Variants in ABHD17C observed in about 807,000 individuals in gnomAD.
ABHD17C encodes alpha/beta hydrolase domain-containing protein 17C.
A neutral mutation model predicts 27.9 loss-of-function variants in ABHD17C; 11 were observed. The ratio of observed to expected loss-of-function variants is 0.39; its 90% CI spans 0.25 to 0.65. The LOEUF is 0.65. ABHD17C is among the 30% of genes least tolerant of loss of function. The pLI is 0.45. For synonymous variants in ABHD17C, 233 were observed against 209.1 expected, an observed-to-expected ratio of 1.11 and a Z score of -0.98; for missense variants, 280 against 470.2, an observed-to-expected ratio of 0.60 and a Z score of 3.74.
intron 1 of ABHD17C, among the ~76,000 whole-genome samples, chr15:80,735,374 CTT>C (rs1895115652): frequency 6.6e-6 from 1 of 152,156 alleles, no homozygotes; most frequent in African/African-American, 2.4e-5. Context: ...ATAGAATTGT[CTT>C]TGAATCTCTC....
intron 1 of ABHD17C, among the ~76,000 whole-genome samples, chr15:80,729,442 G>T (rs1895026808): frequency 6.6e-6 from 1 of 152,026 alleles, no homozygotes; most frequent in Non-Finnish European, 1.5e-5. Flanking sequence ...TTGTAGAAAA[G>T]GGTGAAAAAC....
At chr15:80,720,524 G>A (rs2141502429) in intron 1 of ABHD17C, among the ~76,000 whole-genome samples, 1 of 152,270 alleles carries the variant, frequency 6.6e-6, no homozygotes, top group African/African-American at 2.4e-5. Context: ...GTTTCTTGAA[G>A]CTGGCCTGTT....
chr15:80,743,304 G>T (rs1028794791), intron 1 of ABHD17C, among the ~76,000 whole-genome samples: 1 of 152,092 alleles, frequency 6.6e-6, no homozygotes, highest in Admixed American at 6.5e-5. Flanking sequence ...AGTCTGTGGA[G>T]GAGTGCCCCC....
intron 1 of ABHD17C, among the ~76,000 whole-genome samples, chr15:80,708,264 G>A (rs1299179063): frequency 1.3e-5 from 2 of 151,824 alleles, no homozygotes; most frequent in Non-Finnish European, 2.9e-5. Flanking sequence ...ACACTAGCCC[G>A]TTCTCCCCAC....
intron 1 of ABHD17C, among the ~76,000 whole-genome samples, chr15:80,702,412 C>T (rs1894586033): frequency 6.6e-6 from 1 of 152,150 alleles, no homozygotes; most frequent in South Asian, 2.1e-4. Context: ...GCCCGGGCAA[C>T]ATAACAAGAA....
intron 1 of ABHD17C, among the ~76,000 whole-genome samples, chr15:80,733,503 A>G (rs553216400): frequency 6.6e-6 from 1 of 152,194 alleles, no homozygotes; most frequent in Non-Finnish European, 1.5e-5. Flanking sequence ...CTTATTGCCC[A>G]GACCTGGACA....
At chr15:80,701,626 C>T (rs1894573467) in intron 1 of ABHD17C, among the ~76,000 whole-genome samples, 1 of 151,092 alleles carries the variant, frequency 6.6e-6, no homozygotes, top group Non-Finnish European at 1.5e-5. Flanking sequence ...TTGCAGTGAG[C>T]CAAGATTATG....
At chr15:80,733,988 TTTATTTA>T (rs869181857) in intron 1 of ABHD17C, among the ~76,000 whole-genome samples, 8,797 of 151,104 alleles carry the variant, frequency 0.058, 321 homozygotes, top group African/African-American at 0.096. Flanking sequence ...TATTTATTTA[TTTATTTA>T]TTTTTTTAAA....
chr15:80,748,312 AAGG>A (rs1352926744), intron 1 of ABHD17C, among the ~76,000 whole-genome samples: 1 of 152,164 alleles, frequency 6.6e-6, no homozygotes, highest in Non-Finnish European at 1.5e-5. Flanking sequence ...TTATTCCGAA[AAGG>A]AGAATTGTTG....
chr15:80,734,023 C>G (rs1354751961), intron 1 of ABHD17C, among the ~76,000 whole-genome samples: 6 of 151,882 alleles, frequency 4.0e-5, no homozygotes, highest in Non-Finnish European at 8.8e-5. Flanking sequence ...CTGGCTCTGT[C>G]ACCCAGGCTG....
chr15:80,754,051 G>T, intron 2 of ABHD17C, 100 bp from the exon 3 acceptor site: 1 of 954,636 alleles, frequency 1.0e-6, no homozygotes, highest in African/African-American at 1.6e-5. Flanking sequence ...TTATTTCCCT[G>T]CCTGTGGAGA....
At chr15:80,722,886 G>A (rs763370139) in intron 1 of ABHD17C, among the ~76,000 whole-genome samples, 3 of 152,154 alleles carry the variant, frequency 2.0e-5, no homozygotes, top group Non-Finnish European at 2.9e-5. Context: ...GTTGTAATTG[G>A]CAGGATTTCC....
intron 1 of ABHD17C, among the ~76,000 whole-genome samples, chr15:80,726,825 C>G (rs575970974): frequency 1.3e-5 from 2 of 152,288 alleles, no homozygotes; most frequent in African/African-American, 4.8e-5. Flanking sequence ...ACACCCAACC[C>G]TTTTTCTTTT....
intron 1 of ABHD17C, among the ~76,000 whole-genome samples, chr15:80,719,092 C>T (rs1451497078): frequency 6.6e-6 from 1 of 152,088 alleles, no homozygotes; most frequent in Non-Finnish European, 1.5e-5. Flanking sequence ...AAATGAGTAG[C>T]ATTTTAATGA....
At chr15:80,746,938 C>T (rs1213150119) in intron 1 of ABHD17C, among the ~76,000 whole-genome samples, 4 of 152,134 alleles carry the variant, frequency 2.6e-5, no homozygotes, top group Non-Finnish European at 5.9e-5. Context: ...TCCTCTCAGA[C>T]CAGATTTTAT....
At chr15:80,712,540 C>G (rs1894741553) in intron 1 of ABHD17C, among the ~76,000 whole-genome samples, 1 of 152,206 alleles carries the variant, frequency 6.6e-6, no homozygotes, top group African/African-American at 2.4e-5. Flanking sequence ...AGCAGCCTCA[C>G]CTGTCTATGG....
rs1261827094 is a variant in ABHD17C, at chr15:80,754,410, A to G, written c.*40A>G. On this transcript the variant is annotated 3_prime_UTR_variant, in exon 3 of 3. Coordinates refer to ENST00000258884, the MANE Select transcript of ABHD17C (RefSeq NM_021214.2). ...TCTTACCTCATTTACTGTGAACAGA[A>G]GAGTCCTCTGTTTTGCACATGCTTT... 6.5e-7 allele frequency: 1 copy of G among 1,536,436 alleles called. No homozygotes were observed. The highest frequency in any genetic ancestry group is 8.9e-7 in the Non-Finnish European group (1 of 1,123,660).
intron 1 of ABHD17C, among the ~76,000 whole-genome samples, chr15:80,717,969 G>C (rs1435394175): frequency 6.6e-6 from 1 of 152,184 alleles, no homozygotes; most frequent in East Asian, 1.9e-4. Context: ...ATGGAATACA[G>C]AGGTCTGCCT....
At chr15:80,749,316 A>G (rs201337098) in intron 1 of ABHD17C, among the ~76,000 whole-genome samples, 197 bp from the exon 2 acceptor site, 2 of 152,170 alleles carry the variant, frequency 1.3e-5, no homozygotes, top group South Asian at 2.1e-4. Flanking sequence ...AATCATAGTC[A>G]CTTAGTACCA....
Sources: allele counts gnomAD v4.1 joint callset (sites outside exome capture counted in the v4.1 genomes callset), GRCh38; gene constraint gnomAD v4.1.1; transcripts MANE v1.5; gene names NCBI Gene and HGNC (gene_info 2026-07-23, HGNC 2026-07-21).